PLD5: variants seen among roughly 807,000 people sequenced by gnomAD.
PLD5 encodes phospholipase D family member 5.
A neutral mutation model predicts 61.1 loss-of-function variants in PLD5; 36 were observed. The observed-to-expected ratio is 0.59, with a 90% confidence interval of 0.45 to 0.78. The LOEUF (loss-of-function observed/expected upper bound fraction) is 0.78, where lower values mean the gene tolerates loss of function less well. Ranked by LOEUF, PLD5 falls within the 30% of genes least tolerant of loss-of-function variation. The probability of loss-of-function intolerance (pLI) is 0.00; values close to 1 mark genes in which losing one functional copy is unlikely to be tolerated. For missense variants in PLD5, 515 were observed against 644.4 expected, an observed-to-expected ratio of 0.80 and a Z score of 2.17; for synonymous variants, 243 against 242.8, an observed-to-expected ratio of 1.00 and a Z score of -0.01.
chr1:242,107,509 T>TC (rs1223139272), intron 8 of PLD5, among the ~76,000 whole-genome samples, 162 bp downstream of exon 8: 3 of 152,214 alleles, frequency 2.0e-5, no homozygotes, highest in South Asian at 2.1e-4. Flanking sequence ...CTACTCTTTT[T>TC]TTCGTATGTG....
Position 242,089,784 on chromosome 1 carries a change from T to G in PLD5, c.*70A>C. On this transcript the variant is annotated 3_prime_UTR_variant, in exon 10 of 10. Coordinates refer to ENST00000536534, the MANE Select transcript of PLD5 (RefSeq NM_001372062.1). ...TAAAAAAAGAGACATATTAAAGTGT[T>G]TTTTCTCTCCTCAAGTCCTTTATGT... is the stretch of plus-strand genomic sequence containing the variant. 6.3e-7 allele frequency: 1 copy of G among 1,579,908 alleles called. No homozygotes were observed. The highest frequency in any genetic ancestry group is 1.1e-5 in the South Asian group (1 of 87,020).
intron 4 of PLD5, among the ~76,000 whole-genome samples, chr1:242,221,347 A>G (rs185476287): frequency 1.3e-5 from 2 of 152,340 alleles, no homozygotes; most frequent in East Asian, 3.9e-4. Context: ...GTCTTCAGGT[A>G]TTTATTATTA....
chr1:242,221,303 C>T (rs1609952), intron 4 of PLD5, among the ~76,000 whole-genome samples: 46,145 of 151,944 alleles, frequency 0.3, 7,294 homozygotes, highest in East Asian at 0.53. Flanking sequence ...AATAACAGAC[C>T]TATATGCATA....
At chr1:242,124,922 A>G (rs1286608446) in intron 5 of PLD5, among the ~76,000 whole-genome samples, 1 of 152,184 alleles carries the variant, frequency 6.6e-6, no homozygotes, top group Non-Finnish European at 1.5e-5. Context: ...ATTCATCTAT[A>G]CTTTTCACAT....
chr1:242,249,503 A>G (rs1672585972), intron 4 of PLD5, among the ~76,000 whole-genome samples: 1 of 152,248 alleles, frequency 6.6e-6, no homozygotes. Context: ...TCTTTCAAAG[A>G]AAGTTAAAAG....
intron 4 of PLD5, among the ~76,000 whole-genome samples, chr1:242,238,051 T>C (rs1671754020): frequency 6.6e-6 from 1 of 152,110 alleles, no homozygotes; most frequent in Non-Finnish European, 1.5e-5. Flanking sequence ...AGATAAGTAA[T>C]TCTTTATATT....
At chr1:242,442,360 T>C (rs897511631) in intron 1 of PLD5, among the ~76,000 whole-genome samples, 2 of 152,244 alleles carry the variant, frequency 1.3e-5, no homozygotes, top group African/African-American at 4.8e-5. Context: ...GTGGTGAGCA[T>C]GTGCCTCAAG....
chr1:242,166,861 T>C (rs892683492), intron 5 of PLD5, among the ~76,000 whole-genome samples: 10 of 152,088 alleles, frequency 6.6e-5, no homozygotes, highest in Admixed American at 6.5e-4. Flanking sequence ...ATTCACAGAC[T>C]AGTGATATAT....
intron 1 of PLD5, among the ~76,000 whole-genome samples, chr1:242,438,244 C>A (rs78012018): frequency 6.6e-6 from 1 of 151,046 alleles, no homozygotes; most frequent in Non-Finnish European, 1.5e-5. Context: ...TGTATGGTTG[C>A]TTGCACATTA....
At chr1:242,108,679 C>T (rs1661252531) in intron 7 of PLD5, among the ~76,000 whole-genome samples, 1 of 152,212 alleles carries the variant, frequency 6.6e-6, no homozygotes. Flanking sequence ...TCTCCCTCCC[C>T]TCGGCCCTGA....
intron 1 of PLD5, among the ~76,000 whole-genome samples, chr1:242,497,752 G>C (rs2102986305): frequency 6.6e-6 from 1 of 152,280 alleles, no homozygotes; most frequent in African/African-American, 2.4e-5. Flanking sequence ...TTTCTATCGG[G>C]TCTTTATGTG....
At chr1:242,320,451 ACT>A (rs1658316451) in intron 2 of PLD5, among the ~76,000 whole-genome samples, 1 of 152,120 alleles carries the variant, frequency 6.6e-6, no homozygotes, top group African/African-American at 2.4e-5. Flanking sequence ...TGAAGGACAC[ACT>A]CTGCTTTCAG....
intron 4 of PLD5, among the ~76,000 whole-genome samples, chr1:242,246,478 A>AACACACACACACACACACACAC (rs34723926): frequency 1.5e-3 from 210 of 141,214 alleles, no homozygotes; most frequent in Middle Eastern, 0.011. Context: ...TAGAAAAGAC[A>AACACACACACACACACACACAC]ACACACACAC....
chr1:242,401,895 G>C (rs1007656426), intron 1 of PLD5, among the ~76,000 whole-genome samples: 3 of 152,258 alleles, frequency 2.0e-5, no homozygotes, highest in Non-Finnish European at 4.4e-5. Context: ...CCGATAACTA[G>C]AGTGTCTTCT....
chr1:242,411,701 T>A (rs1264490394), intron 1 of PLD5, among the ~76,000 whole-genome samples: 1 of 152,230 alleles, frequency 6.6e-6, no homozygotes, highest in Non-Finnish European at 1.5e-5. Flanking sequence ...CACATGCAGT[T>A]GTAAGAAATA....
At chr1:242,207,920 AT>A (rs1553324975) in intron 5 of PLD5, among the ~76,000 whole-genome samples, 3 of 9,652 alleles carry the variant, frequency 3.1e-4, no homozygotes, top group Non-Finnish European at 1.5e-4. Context: ...ATATTTATAT[AT>A]TTATATATAT....
At chr1:242,219,264 G>A (rs186636175) in intron 5 of PLD5, among the ~76,000 whole-genome samples, 12 of 152,274 alleles carry the variant, frequency 7.9e-5, no homozygotes, top group African/African-American at 2.2e-4. Flanking sequence ...GTATAATAGC[G>A]TGATCCCAAA....
At chr1:242,184,983 C>T (rs540065309) in intron 5 of PLD5, among the ~76,000 whole-genome samples, 34 of 152,270 alleles carry the variant, frequency 2.2e-4, no homozygotes, top group African/African-American at 7.7e-4. Flanking sequence ...TGCTGTTTCT[C>T]CTCCTCCCTG....
In PLD5 at chr1:242,113,845, G is replaced by C. The variant is rs764817575; in HGVS notation, c.1070+45C>G. 192 of 1,575,360 alleles carry C rather than the reference G, an allele frequency of 1.2e-4. 1 individual carries two copies. The highest frequency in any genetic ancestry group is 5.2e-4 in the Admixed American group (28 of 53,802). On this transcript the variant is annotated intron_variant, in intron 7 of 9. Transcript: ENST00000536534. Reference sequence around the variant, plus strand: ...TCCTGTGGTGCCCAGTTTAGTGCCTGGTCTTAGGGACTGGGTTCTAACCAG... The same window carrying C: ...TCCTGTGGTGCCCAGTTTAGTGCCTCGTCTTAGGGACTGGGTTCTAACCAG...
Sources: allele counts gnomAD v4.1 joint callset (sites outside exome capture counted in the v4.1 genomes callset), GRCh38; gene constraint gnomAD v4.1.1; transcripts MANE v1.5; gene names NCBI Gene and HGNC (gene_info 2026-07-23, HGNC 2026-07-21).